PCDH9: variants seen among roughly 807,000 people sequenced by gnomAD.
The protein encoded by PCDH9 is protocadherin 9.
A neutral mutation model predicts 70.6 loss-of-function variants in PCDH9; 24 were observed. The observed-to-expected ratio is 0.34, with a 90% confidence interval of 0.25 to 0.48. The LOEUF (loss-of-function observed/expected upper bound fraction) is 0.48, where lower values mean the gene tolerates loss of function less well. Ranked by LOEUF, PCDH9 falls within the 20% of genes least tolerant of loss-of-function variation. The pLI is 0.99. For missense variants in PCDH9, 1,281 were observed against 1,503.6 expected (o/e 0.85, Z 2.45); for synonymous variants, 562 against 558.5 (o/e 1.01, Z -0.09).
At chr13:66,532,902 G>C (rs1201383570) in intron 4 of PCDH9, among the ~76,000 whole-genome samples, 1 of 152,076 alleles carries the variant, frequency 6.6e-6, no homozygotes, top group Non-Finnish European at 1.5e-5. Context: ...GACAACATTA[G>C]ATCTCATAAT....
intron 3 of PCDH9, among the ~76,000 whole-genome samples, chr13:66,755,712 C>T (rs891891065): frequency 4.6e-5 from 7 of 151,992 alleles, no homozygotes; most frequent in African/African-American, 1.7e-4. Context: ...GGGGAAATCT[C>T]ATAAAATCCA....
chr13:66,684,295 C>G (rs2078368868), intron 3 of PCDH9, among the ~76,000 whole-genome samples: 1 of 152,156 alleles, frequency 6.6e-6, no homozygotes, highest in African/African-American at 2.4e-5. Flanking sequence ...TTAACCTACT[C>G]TGATCGCTAT....
chr13:66,426,108 C>A (rs546532745), intron 4 of PCDH9, among the ~76,000 whole-genome samples: 7 of 151,462 alleles, frequency 4.6e-5, no homozygotes, highest in Non-Finnish European at 7.4e-5. Flanking sequence ...TTCATTTGTA[C>A]CAAACATTCA....
intron 3 of PCDH9, among the ~76,000 whole-genome samples, chr13:66,875,546 C>T (rs140348216): frequency 7.2e-5 from 11 of 152,170 alleles, no homozygotes; most frequent in East Asian, 1.9e-4. Flanking sequence ...CTTTTCTACA[C>T]GAGAGAGTTT....
chr13:67,162,301 A>G (rs1177943198), intron 2 of PCDH9, among the ~76,000 whole-genome samples: 1 of 152,232 alleles, frequency 6.6e-6, no homozygotes, highest in Non-Finnish European at 1.5e-5. Flanking sequence ...ATATGTAAGT[A>G]TTTCAAAATA....
At chr13:66,411,502 G>A (rs1242342583) in intron 4 of PCDH9, among the ~76,000 whole-genome samples, 2 of 152,000 alleles carry the variant, frequency 1.3e-5, no homozygotes, top group Non-Finnish European at 2.9e-5. Context: ...TTCCCAGCCT[G>A]GTCTTAAACT....
At chr13:66,855,898 G>C (rs896668385) in intron 3 of PCDH9, among the ~76,000 whole-genome samples, 2 of 151,586 alleles carry the variant, frequency 1.3e-5, no homozygotes, top group African/African-American at 2.4e-5. Context: ...CTATTGAAAG[G>C]ATAAAACCTT....
At chr13:66,904,527 T>C (rs1259001589) in intron 2 of PCDH9, among the ~76,000 whole-genome samples, 1 of 152,032 alleles carries the variant, frequency 6.6e-6, no homozygotes, top group Non-Finnish European at 1.5e-5. Context: ...AAAAGGTTCA[T>C]CATTGATATA....
At chr13:66,776,366 T>A (rs1022720382) in intron 3 of PCDH9, among the ~76,000 whole-genome samples, 1 of 150,138 alleles carries the variant, frequency 6.7e-6, no homozygotes, top group African/African-American at 2.5e-5. Context: ...ACATGATTGT[T>A]TATCTAGAAA....
Position 66,397,416 on chromosome 13 carries a change from C to T in PCDH9, c.3341-92388G>A, listed in dbSNP as rs188119402. 2.1e-3 allele frequency among the ~76,000 whole-genome samples: 318 copies of T among 149,408 alleles called. 1 individual carries two copies. Among genetic ancestry groups the T allele is most frequent in the African/African-American group, 7.1e-3 (286 of 40,478 alleles). On this transcript the variant is annotated intron_variant, in intron 4 of 4. Coordinates refer to ENST00000377865, the MANE Select transcript of PCDH9 (RefSeq NM_203487.3). ...CCTGGGTGACAGAGTGAGACTCTGT[C>T]GATATATATGTGTGTGTATACATAT...
chr13:66,614,699 C>T (rs2077334660), intron 4 of PCDH9, among the ~76,000 whole-genome samples: 1 of 152,194 alleles, frequency 6.6e-6, no homozygotes, highest in Non-Finnish European at 1.5e-5. Context: ...TGCTTGTTCC[C>T]TGGTGCCATA....
intron 2 of PCDH9, among the ~76,000 whole-genome samples, chr13:67,073,665 T>G (rs1399893853): frequency 6.6e-6 from 1 of 152,086 alleles, no homozygotes. Context: ...TTTGAGGATT[T>G]TTTGAAGCTC....
chr13:66,352,987 A>T (rs1196455117), intron 4 of PCDH9, among the ~76,000 whole-genome samples: 1 of 152,180 alleles, frequency 6.6e-6, no homozygotes, highest in African/African-American at 2.4e-5. Flanking sequence ...ATACAAATGT[A>T]CATAGAGGCT....
At chr13:66,416,176 T>C (rs1957456963) in intron 4 of PCDH9, among the ~76,000 whole-genome samples, 1 of 152,124 alleles carries the variant, frequency 6.6e-6, no homozygotes, top group South Asian at 2.1e-4. Context: ...GCATTCTGAA[T>C]AAAGCATGAC....
intron 2 of PCDH9, among the ~76,000 whole-genome samples, chr13:67,076,978 C>T (rs766449475): frequency 1.2e-4 from 19 of 152,132 alleles, no homozygotes; most frequent in Non-Finnish European, 2.5e-4. Flanking sequence ...CTTCCCACCA[C>T]GCTCATTGCT....
intron 4 of PCDH9, among the ~76,000 whole-genome samples, chr13:66,464,795 A>C (rs1454317366): frequency 6.6e-6 from 1 of 151,952 alleles, no homozygotes; most frequent in Admixed American, 6.6e-5. Context: ...AGAAAGAGAT[A>C]AGTGTAAGTA....
intron 3 of PCDH9, among the ~76,000 whole-genome samples, chr13:66,887,422 T>G (rs574585882): frequency 1.4e-4 from 21 of 152,316 alleles, no homozygotes; most frequent in Non-Finnish European, 2.9e-4. Context: ...AGCAGAGATT[T>G]TTTTTAACAA....
chr13:66,470,620 G>C (rs575766873), intron 4 of PCDH9, among the ~76,000 whole-genome samples: 42 of 151,086 alleles, frequency 2.8e-4, no homozygotes, highest in African/African-American at 1.0e-3. Flanking sequence ...TCTATGATGA[G>C]GTACAAAAAA....
intron 3 of PCDH9, among the ~76,000 whole-genome samples, chr13:66,881,845 A>C (rs1232035548): frequency 2.0e-5 from 3 of 152,196 alleles, no homozygotes; most frequent in African/African-American, 7.2e-5. Context: ...GGGGAAGGAA[A>C]TATCTCTAGT....
Sources: gnomAD v4.1 joint callset for allele counts (sites outside exome capture counted in the v4.1 genomes callset) on GRCh38, gnomAD v4.1.1 for gene constraint, MANE v1.5 for transcripts, NCBI Gene and HGNC (gene_info 2026-07-23, HGNC 2026-07-21) for gene names.